ARL6: variants seen among roughly 807,000 people sequenced by gnomAD.
ARL6 encodes the protein ADP-ribosylation factor-like protein 6.
Under a neutral mutation model 27.1 loss-of-function variants are expected in ARL6, and 18 were observed. The ratio of observed to expected loss-of-function variants is 0.66; its 90% CI spans 0.46 to 0.98. The LOEUF is 0.98. Among genes scored for constraint, ARL6 ranks in the 50% least tolerant of loss-of-function variants. ARL6 has a pLI of 0.00. For synonymous variants in ARL6, 65 were observed against 72.3 expected (o/e 0.90, Z 0.51); for missense variants, 187 against 214.9 (o/e 0.87, Z 0.81).
intron 2 of ARL6, among the ~76,000 whole-genome samples, chr3:97,769,234 G>A (rs2036529682): frequency 6.6e-6 from 1 of 151,950 alleles, no homozygotes; most frequent in African/African-American, 2.4e-5. Context: ...TATTGTTAAT[G>A]TACTGAGGTT....
intron 4 of ARL6, among the ~76,000 whole-genome samples, chr3:97,784,402 T>G (rs981088304): frequency 2.0e-5 from 3 of 151,688 alleles, no homozygotes; most frequent in African/African-American, 7.2e-5. Context: ...GTGTCTACTG[T>G]ATCTTAATAC....
chr3:97,764,821 A>G lies in ARL6; in HGVS notation c.-184A>G, dbSNP rs916938424. 2 of 152,216 alleles carry G rather than the reference A, an allele frequency of 1.3e-5. No individual in the cohort carries two copies. The highest frequency in any genetic ancestry group is 4.8e-5 in the African/African-American group (2 of 41,442). 9.4% of individuals were successfully genotyped at this position (152,216 alleles called of 1,614,324 possible). ...GAGGCTGCCGGTTTTCCCAACTTCT[A>G]GAGACGGCTTTGCTCATTACCAGGC... On this transcript the variant is annotated 5_prime_UTR_variant, in exon 1 of 8. Transcript: ENST00000463745.
At chr3:97,790,058 T>C (rs2037655116) in intron 6 of ARL6, among the ~76,000 whole-genome samples, 1 of 149,764 alleles carries the variant, frequency 6.7e-6, no homozygotes, top group African/African-American at 2.5e-5. Flanking sequence ...TGATTGTGTG[T>C]GTGTGTGTGT....
intron 2 of ARL6, among the ~76,000 whole-genome samples, chr3:97,769,342 TA>T (rs1344042909): frequency 6.6e-6 from 1 of 152,098 alleles, no homozygotes; most frequent in African/African-American, 2.4e-5. Flanking sequence ...AGATAGACTC[TA>T]TATACCTTTT....
At position 97,798,102 on chromosome 3, in the gene ARL6, G is replaced by T; in HGVS notation, c.*53G>T. On this transcript the variant is annotated 3_prime_UTR_variant, in exon 8 of 8. Transcript: ENST00000463745. Reference sequence around the variant, plus strand: ...TTTTCAATTCAAGGAATCTATCTAAGACAAATAGAATACATTTTGTAAAAG... The same window carrying T: ...TTTTCAATTCAAGGAATCTATCTAATACAAATAGAATACATTTTGTAAAAG... 1 of 1,541,794 alleles carries T rather than the reference G, an allele frequency of 6.5e-7. No homozygotes were observed. Among genetic ancestry groups the T allele is most frequent in the South Asian group, 1.1e-5 (1 of 88,692 alleles).
At chr3:97,772,024 A>G (rs1346231869) in intron 2 of ARL6, among the ~76,000 whole-genome samples, 1 of 152,148 alleles carries the variant, frequency 6.6e-6, no homozygotes, top group African/African-American at 2.4e-5. Context: ...TTTCGGTGTC[A>G]GATTAATGCC....
intron 6 of ARL6, among the ~76,000 whole-genome samples, chr3:97,789,791 C>A (rs1432857639): frequency 6.6e-6 from 1 of 151,972 alleles, no homozygotes; most frequent in Non-Finnish European, 1.5e-5. Context: ...ATGTATTTAT[C>A]CTTTTTCTAT....
intron 2 of ARL6, 135 bp downstream of exon 2, chr3:97,768,365 A>G (rs570036717): frequency 2.5e-5 from 21 of 834,844 alleles, no homozygotes; most frequent in Non-Finnish European, 3.5e-5. Context: ...ACCTTTAAGT[A>G]TCCTCAGCCA....
intron 2 of ARL6, among the ~76,000 whole-genome samples, chr3:97,774,949 G>A (rs965265880): frequency 1.3e-5 from 2 of 152,128 alleles, no homozygotes; most frequent in African/African-American, 4.8e-5. Context: ...TATAGTCAAA[G>A]GTATTATGTA....
At position 97,799,556 on chromosome 3, in the gene ARL6, A is replaced by G. The variant is rs1034644898; in HGVS notation, c.*1507A>G. 7 of 152,130 alleles carry G rather than the reference A, an allele frequency of 4.6e-5. No individual in the cohort carries two copies. Among genetic ancestry groups the G allele is most frequent in the African/African-American group, 1.4e-4 (6 of 41,464 alleles). The allele number at this position is 152,130 out of a possible 1,614,324, so 9.4% of individuals were successfully genotyped here. On this transcript the variant is annotated 3_prime_UTR_variant, in exon 8 of 8. Coordinates refer to ENST00000463745, the MANE Select transcript of ARL6 (RefSeq NM_001278293.3). ...TTTAAAAAACTGATATGCTACAACT[A>G]TTTTAGGATGGAGAAAGAATTGATT... is the stretch of plus-strand genomic sequence containing the variant.
At chr3:97,767,476 A>T in intron 1 of ARL6, among the ~76,000 whole-genome samples, 1 of 152,166 alleles carries the variant, frequency 6.6e-6, no homozygotes, top group East Asian at 1.9e-4. Flanking sequence ...GTATTTCAGG[A>T]TTCTTTGCTT....
chr3:97,774,108 T>C (rs913407943), intron 2 of ARL6, among the ~76,000 whole-genome samples: 11 of 152,346 alleles, frequency 7.2e-5, no homozygotes, highest in Admixed American at 5.2e-4. Context: ...GATTTCATCT[T>C]GATAGTCCCG....
intron 2 of ARL6, among the ~76,000 whole-genome samples, chr3:97,776,462 T>TA (rs2036906589): frequency 6.6e-6 from 1 of 152,152 alleles, no homozygotes; most frequent in South Asian, 2.1e-4. Context: ...GGTAAGGACT[T>TA]ACTATTGCCA....
At chr3:97,787,776 A>G (rs1042749013) in intron 5 of ARL6, among the ~76,000 whole-genome samples, 8 of 152,170 alleles carry the variant, frequency 5.3e-5, no homozygotes, top group Non-Finnish European at 1.0e-4. Flanking sequence ...GCTCCTAACC[A>G]GAGGGCAGAT....
chr3:97,772,611 G>T (rs1267164897), intron 2 of ARL6, among the ~76,000 whole-genome samples: 1 of 147,476 alleles, frequency 6.8e-6, no homozygotes, highest in Non-Finnish European at 1.5e-5. Flanking sequence ...TTATTTGAAG[G>T]CTTGTTACTT....
At chr3:97,795,769 G>T (rs946794498) in intron 7 of ARL6, among the ~76,000 whole-genome samples, 2 of 152,166 alleles carry the variant, frequency 1.3e-5, no homozygotes, top group Non-Finnish European at 2.9e-5. Flanking sequence ...CCCTTTAAGA[G>T]AAAATTGAAG....
chr3:97,787,210 A>G (rs1243416146), intron 5 of ARL6, among the ~76,000 whole-genome samples: 1 of 152,204 alleles, frequency 6.6e-6, no homozygotes, highest in Non-Finnish European at 1.5e-5. Flanking sequence ...GAAATATTCC[A>G]GAACGGTTAA....
chr3:97,783,715 T>A (rs549562769), intron 4 of ARL6, among the ~76,000 whole-genome samples: 4 of 151,952 alleles, frequency 2.6e-5, no homozygotes, highest in Admixed American at 2.0e-4. Context: ...ATTTTGTATA[T>A]CATTTGATTA....
chr3:97,788,072 T>C lies in ARL6; in HGVS notation c.432T>C (p.Ser144=). 1.2e-6 allele frequency: 2 copies of C among 1,613,392 alleles called. No individual in the cohort carries two copies. Among genetic ancestry groups the C allele is most frequent in the Non-Finnish European group, 1.7e-6 (2 of 1,179,578 alleles). The change falls in exon 6 of 8, where the codon TCT becomes TCC. Residue 144 remains serine, a synonymous_variant. Coordinates refer to ENST00000463745, the MANE Select transcript of ARL6 (RefSeq NM_001278293.3). ...ATGCAGTGACATCTGTAAAAGTGTC[T>C]CAGTTGCTGTGTTTAGAGAACATCA... is the stretch of plus-strand genomic sequence containing the variant. ...LRDAVTSVKV[S]QLLCLENIKD... is the part of the protein sequence containing the mutation.
Sources: gnomAD v4.1 joint callset for allele counts (sites outside exome capture counted in the v4.1 genomes callset) on GRCh38, gnomAD v4.1.1 for gene constraint, MANE v1.5 for transcripts, NCBI Gene and HGNC (gene_info 2026-07-23, HGNC 2026-07-21) for gene names.